The following TNKS variants were observed in gnomAD, a reference collection of about 807,000 sequenced individuals.
TNKS encodes the protein tankyrase, also known as poly [ADP-ribose] polymerase tankyrase-1.
Under a neutral mutation model 135.8 loss-of-function variants are expected in TNKS, and 72 were observed. The ratio of observed to expected loss-of-function variants is 0.53; its 90% CI spans 0.44 to 0.64. The LOEUF (loss-of-function observed/expected upper bound fraction) is 0.64. TNKS is among the 30% of genes least tolerant of loss of function. TNKS has a pLI of 0.00. For missense variants in TNKS, 1,769 were observed against 1,674.0 expected (o/e 1.06, Z -0.99); for synonymous variants, 849 against 649.3 (o/e 1.31, Z -4.68).
chr8:9,679,669 A>C (rs1380600097), intron 3 of TNKS: 4 of 365,328 alleles, frequency 1.1e-5, no homozygotes, highest in Non-Finnish European at 2.0e-5. Context: ...CTGTTATCAG[A>C]GGGAATGTGT....
chr8:9,693,912 T>G (rs1219807118), intron 5 of TNKS, among the ~76,000 whole-genome samples: 1 of 152,186 alleles, frequency 6.6e-6, no homozygotes, highest in African/African-American at 2.4e-5. Flanking sequence ...CCGTCTTAGT[T>G]TGCTGAGATC....
In TNKS at chr8:9,556,393, G is replaced by C; in HGVS notation, c.454G>C (p.Glu152Gln). The change falls in exon 1 of 27, where the codon GAG (glutamate) becomes CAG (glutamine). Residue 152 changes from glutamate to glutamine, a missense_variant. By Grantham distance (29) the Glu-to-Gln change is conservative. Coordinates refer to ENST00000310430, the MANE Select transcript of TNKS (RefSeq NM_003747.3). ...ATCCTCCCCTGGATCGAGCTTGGCGGAGAGCCCCGAGGCGGCCGGAGTTAG... is the reference window on the plus strand; with the variant it reads ...ATCCTCCCCTGGATCGAGCTTGGCGCAGAGCCCCGAGGCGGCCGGAGTTAG... ...SPSSPGSSLA[E>Q]SPEAAGVSST... is the part of the protein sequence containing the mutation. 1 of 1,614,222 alleles carries C rather than the reference G, an allele frequency of 6.2e-7. No homozygotes were observed.
intron 5 of TNKS, among the ~76,000 whole-genome samples, chr8:9,698,791 C>T (rs147007731): frequency 6.6e-6 from 1 of 152,176 alleles, no homozygotes; most frequent in African/African-American, 2.4e-5. Flanking sequence ...CTTTATACTG[C>T]ACCGCAAATC....
rs369773474 is a variant in TNKS, at chr8:9,766,450, C to T, written c.3740+25C>T. On this transcript the variant is annotated intron_variant, in intron 25 of 26. Coordinates refer to ENST00000310430, the MANE Select transcript of TNKS (RefSeq NM_003747.3). ...GGTAAGCATCTTGCCATTAGTGTAACGTTTCCCACCCCTAGGTCACGAACC... is the reference window on the plus strand; with the variant it reads ...GGTAAGCATCTTGCCATTAGTGTAATGTTTCCCACCCCTAGGTCACGAACC... 4.9e-5 allele frequency: 70 copies of T among 1,441,790 alleles called. No homozygotes were observed. In the South Asian group the frequency reaches 6.5e-4, roughly 13 times the overall value. The allele number at this position is 1,441,790 out of a possible 1,614,324, so 89.3% of individuals were successfully genotyped here.
At chr8:9,567,996 G>C (rs1187846786) in intron 1 of TNKS, among the ~76,000 whole-genome samples, 1 of 152,112 alleles carries the variant, frequency 6.6e-6, no homozygotes, top group African/African-American at 2.4e-5. Context: ...TTGTCCTGGA[G>C]CGTTTCTTAA....
chr8:9,765,819 G>A (rs748168285), intron 24 of TNKS, 22 bp downstream of exon 24: 1 of 1,599,960 alleles, frequency 6.3e-7, no homozygotes, highest in South Asian at 1.1e-5. Flanking sequence ...GGCAGGGACG[G>A]TGGACGTCTC....
chr8:9,696,208 G>A (rs1202086362), intron 5 of TNKS, among the ~76,000 whole-genome samples: 2 of 152,120 alleles, frequency 1.3e-5, no homozygotes, highest in African/African-American at 4.8e-5. Context: ...GAGGTTTAAG[G>A]ACAGACTTTT....
At chr8:9,606,994 T>C (rs1338991986) in intron 2 of TNKS, among the ~76,000 whole-genome samples, 1 of 152,172 alleles carries the variant, frequency 6.6e-6, no homozygotes, top group Non-Finnish European at 1.5e-5. Flanking sequence ...TTATTAGTAT[T>C]ATGTGTCTAG....
intron 17 of TNKS, among the ~76,000 whole-genome samples, chr8:9,746,678 C>G (rs901530222): frequency 2.0e-5 from 3 of 152,094 alleles, no homozygotes; most frequent in Admixed American, 2.0e-4. Flanking sequence ...AGCCCCCAGC[C>G]CCAGTCCTCA....
At chr8:9,647,564 C>T (rs1800964367) in intron 3 of TNKS, among the ~76,000 whole-genome samples, 1 of 152,208 alleles carries the variant, frequency 6.6e-6, no homozygotes, top group Admixed American at 6.5e-5. Context: ...GAGGCAGTAA[C>T]TGCTGAGTTC....
At chr8:9,731,148 G>A in intron 14 of TNKS, 113 bp downstream of exon 14, 2 of 1,267,218 alleles carry the variant, frequency 1.6e-6, no homozygotes, top group Non-Finnish European at 1.0e-6. Flanking sequence ...GTTATTTTTT[G>A]TTTAAAACAT....
chr8:9,624,241 TG>T (rs1233390655), intron 3 of TNKS, among the ~76,000 whole-genome samples: 1 of 152,196 alleles, frequency 6.6e-6, no homozygotes, highest in African/African-American at 2.4e-5. Flanking sequence ...CTGTAACATT[TG>T]TATTGCAATT....
intron 2 of TNKS, among the ~76,000 whole-genome samples, chr8:9,582,113 C>G (rs1255067007): frequency 1.3e-5 from 2 of 152,160 alleles, no homozygotes; most frequent in Admixed American, 1.3e-4. Context: ...TTATGGGAGT[C>G]AAAATTGGTT....
At chr8:9,663,700 T>C (rs1032567339) in intron 3 of TNKS, among the ~76,000 whole-genome samples, 1 of 152,198 alleles carries the variant, frequency 6.6e-6, no homozygotes, top group Non-Finnish European at 1.5e-5. Flanking sequence ...AATTATTTGC[T>C]AGTGGTGCCC....
intron 2 of TNKS, among the ~76,000 whole-genome samples, chr8:9,595,410 T>C (rs73535841): frequency 0.02 from 3,053 of 152,254 alleles, 106 homozygotes; most frequent in African/African-American, 0.069. Flanking sequence ...TAATCTCCGC[T>C]GACACTGAGT....
intron 3 of TNKS, among the ~76,000 whole-genome samples, chr8:9,654,066 A>C (rs1801248641): frequency 6.6e-6 from 1 of 152,206 alleles, no homozygotes; most frequent in Non-Finnish European, 1.5e-5. Context: ...AAAAATTTCA[A>C]GGAACAATTC....
intron 11 of TNKS, among the ~76,000 whole-genome samples, chr8:9,712,117 A>G (rs1029511957): frequency 6.6e-6 from 1 of 152,238 alleles, no homozygotes; most frequent in Non-Finnish European, 1.5e-5. Context: ...CATTTATTTC[A>G]TTGGCTCCAT....
intron 3 of TNKS, among the ~76,000 whole-genome samples, chr8:9,621,016 C>T (rs1027205856): frequency 3.3e-5 from 5 of 152,190 alleles, no homozygotes; most frequent in African/African-American, 4.8e-5. Context: ...TTTTCCAGGT[C>T]ATATAAATAC....
rs780540200 is a variant in TNKS at position 9,781,673 on chromosome 8, A to G, written c.*4937A>G. 1 of 152,662 alleles carries G rather than the reference A, an allele frequency of 6.6e-6. No individual in the cohort carries two copies. Among genetic ancestry groups the G allele is most frequent in the African/African-American group, 2.4e-5 (1 of 41,454 alleles). 9.5% of individuals were successfully genotyped at this position (152,662 alleles called of 1,614,324 possible). On this transcript the variant is annotated 3_prime_UTR_variant, in exon 27 of 27. Coordinates refer to ENST00000310430, the MANE Select transcript of TNKS (RefSeq NM_003747.3). The stretch of plus-strand genomic sequence containing the variant: ...AAAGGTACTTTTATCAAGGTTTCTC[A>G]AAACATTTACAAAACCAGCTTTGAG...
Sources: gnomAD v4.1 joint callset for allele counts (sites outside exome capture counted in the v4.1 genomes callset) on GRCh38, gnomAD v4.1.1 for gene constraint, MANE v1.5 for transcripts, NCBI Gene and HGNC (gene_info 2026-07-23, HGNC 2026-07-21) for gene names.